Variants in CDK13 observed in about 807,000 individuals in gnomAD.
CDK13 encodes cyclin dependent kinase 13, also known as cyclin-dependent kinase 13.
Under a neutral mutation model 137.6 loss-of-function variants are expected in CDK13, and 40 were observed. The ratio of observed to expected loss-of-function variants is 0.29; its 90% CI spans 0.23 to 0.38. CDK13 has a LOEUF of 0.38. CDK13 is among the 10% of genes least tolerant of loss of function. The probability of loss-of-function intolerance (pLI) is 1.00; values close to 1 mark genes in which losing one functional copy is unlikely to be tolerated. For missense variants in CDK13, 1,704 were observed against 1,951.8 expected (o/e 0.87, Z 2.39); for synonymous variants, 869 against 760.1 (o/e 1.14, Z -2.36).
chr7:40,011,838 G>A (rs889444865), intron 5 of CDK13, among the ~76,000 whole-genome samples: 2 of 152,174 alleles, frequency 1.3e-5, no homozygotes, highest in Non-Finnish European at 1.5e-5. Context: ...TCATCAGCAT[G>A]AGAAGACAAC....
At chr7:40,093,829 C>T (rs778285464) in intron 13 of CDK13, among the ~76,000 whole-genome samples, 3 of 151,168 alleles carry the variant, frequency 2.0e-5, no homozygotes, top group Non-Finnish European at 2.9e-5. Context: ...TCACTTGAGC[C>T]CAGGAGGTCA....
chr7:39,951,924 T>G, intron 1 of CDK13, 72 bp downstream of exon 1: 1 of 1,304,042 alleles, frequency 7.7e-7, no homozygotes. Flanking sequence ...GGGAAAGTGG[T>G]GCCCGGGTCC....
At chr7:40,067,119 T>TAA in intron 9 of CDK13, 1 of 152,224 alleles carries the variant, frequency 6.6e-6, no homozygotes, top group South Asian at 2.1e-4. Context: ...ACCCTATGTC[T>TAA]TCTCTTTATA....
intron 1 of CDK13, among the ~76,000 whole-genome samples, chr7:39,965,840 T>A (rs1420994831): frequency 6.6e-6 from 1 of 152,206 alleles, no homozygotes; most frequent in Non-Finnish European, 1.5e-5. Context: ...CAGCATTTGC[T>A]TGTCTGTTAA....
intron 1 of CDK13, among the ~76,000 whole-genome samples, chr7:39,961,684 G>T (rs1382401308): frequency 6.7e-6 from 1 of 149,714 alleles, no homozygotes; most frequent in Non-Finnish European, 1.5e-5. Context: ...TGTGCACAAC[G>T]TGCAGGTTAG....
chr7:40,077,607 C>G (rs1391384211), intron 9 of CDK13, among the ~76,000 whole-genome samples: 2 of 152,164 alleles, frequency 1.3e-5, no homozygotes, highest in Non-Finnish European at 2.9e-5. Flanking sequence ...GTAATTCCAG[C>G]ACTTTGGGAG....
chr7:40,097,636 A>C lies in CDK13; in HGVS notation c.*2656A>C, dbSNP rs1787074786. 2.0e-5 allele frequency: 3 copies of C among 152,104 alleles called. No homozygotes were observed. The highest frequency in any genetic ancestry group is 4.4e-5 in the Non-Finnish European group (3 of 67,958). 9.4% of individuals were successfully genotyped at this position (152,104 alleles called of 1,614,324 possible). The stretch of plus-strand genomic sequence containing the variant: ...TCAGACTGCAAGTTAAGAAGACAAA[A>C]ATATAAAAGATTTGACCTGCCAAAA... On this transcript the variant is annotated 3_prime_UTR_variant, in exon 14 of 14. Transcript: ENST00000181839.
intron 1 of CDK13, among the ~76,000 whole-genome samples, chr7:39,969,101 C>T (rs971921737): frequency 6.6e-6 from 1 of 152,058 alleles, no homozygotes; most frequent in Non-Finnish European, 1.5e-5. Flanking sequence ...CCTCTACCTC[C>T]CAGGTTCAAG....
At chr7:40,078,872 T>C in intron 11 of CDK13, 21 bp downstream of exon 11, 1 of 1,081,368 alleles carries the variant, frequency 9.2e-7, no homozygotes, top group Non-Finnish European at 1.2e-6. Context: ...TTTTATCCTA[T>C]TATTATTATA....
intron 1 of CDK13, among the ~76,000 whole-genome samples, chr7:39,967,481 A>G (rs1386238332): frequency 6.6e-6 from 1 of 152,052 alleles, no homozygotes; most frequent in Non-Finnish European, 1.5e-5. Context: ...AAAAAAAAAA[A>G]AATCCGTTCA....
At chr7:40,039,964 T>C (rs1785569445) in intron 5 of CDK13, among the ~76,000 whole-genome samples, 1 of 152,140 alleles carries the variant, frequency 6.6e-6, no homozygotes, top group South Asian at 2.1e-4. Context: ...TTTTTAAAAG[T>C]ACTTTTATAG....
In CDK13 at chr7:40,003,756, A is replaced by G. The variant is rs537224832; in HGVS notation, c.2353+1725A>G. ...CCTCCCTGCCTACTTCTCCAATCCC[A>G]TCTATGCCATTTTGATTGCCCACCA... On this transcript the variant is annotated intron_variant, in intron 5 of 13. Coordinates refer to ENST00000181839, the MANE Select transcript of CDK13 (RefSeq NM_003718.5). Among the ~76,000 whole-genome samples the G allele has an allele frequency of 2.6e-5, 4 of 152,088 alleles. No homozygotes were observed. The South Asian group carries it at 6.2e-4, about 24-fold the overall frequency.
chr7:40,012,221 G>A (rs754074622), intron 5 of CDK13, among the ~76,000 whole-genome samples: 1 of 152,162 alleles, frequency 6.6e-6, no homozygotes, highest in Non-Finnish European at 1.5e-5. Context: ...AGAGTACAAT[G>A]GTGCAGTTGC....
chr7:40,047,934 AC>A (rs1554334022), intron 7 of CDK13, 57 bp downstream of exon 7: 5 of 1,038,434 alleles, frequency 4.8e-6, no homozygotes, highest in Admixed American at 1.8e-5. Flanking sequence ...TAGAAGCTAT[AC>A]TAAGAATACC....
At chr7:39,965,971 A>T (rs1332496094) in intron 1 of CDK13, among the ~76,000 whole-genome samples, 2 of 152,296 alleles carry the variant, frequency 1.3e-5, no homozygotes, top group South Asian at 4.1e-4. Flanking sequence ...CTTGTAGAGT[A>T]TCTGCTGAGA....
intron 1 of CDK13, among the ~76,000 whole-genome samples, chr7:39,961,410 T>A (rs1787615722): frequency 6.6e-6 from 1 of 152,182 alleles, no homozygotes; most frequent in Non-Finnish European, 1.5e-5. Flanking sequence ...TGCATTATTG[T>A]AGTCACCATT....
intron 5 of CDK13, among the ~76,000 whole-genome samples, chr7:40,025,059 GGTATCTCAAT>G (rs1785216227): frequency 6.6e-6 from 1 of 152,028 alleles, no homozygotes; most frequent in Admixed American, 6.5e-5. Flanking sequence ...CTATTCACTA[GGTATCTCAAT>G]GTTCATATTT....
Position 40,096,914 on chromosome 7 carries a change from T to C in CDK13, c.*1934T>C, listed in dbSNP as rs1319812998. ...CTACATTGCAGGAAATGAAGAAATA[T>C]TTTGAAATTAGCAAAATAGCAACAG... On this transcript the variant is annotated 3_prime_UTR_variant, in exon 14 of 14. Coordinates refer to ENST00000181839, the MANE Select transcript of CDK13 (RefSeq NM_003718.5). 2 of 152,132 alleles carry C rather than the reference T, an allele frequency of 1.3e-5. No homozygotes were observed. The highest frequency in any genetic ancestry group is 2.4e-5 in the African/African-American group (1 of 41,450). 9.4% of individuals were successfully genotyped at this position (152,132 alleles called of 1,614,324 possible).
chr7:39,953,639 A>G (rs542011530), intron 1 of CDK13, among the ~76,000 whole-genome samples: 268 of 152,328 alleles, frequency 1.8e-3, no homozygotes, highest in African/African-American at 5.9e-3. Context: ...ATTGGGATGT[A>G]GCAGGAAAGA....
Sources: allele counts gnomAD v4.1 joint callset (sites outside exome capture counted in the v4.1 genomes callset), GRCh38; gene constraint gnomAD v4.1.1; transcripts MANE v1.5; gene names NCBI Gene and HGNC (gene_info 2026-07-23, HGNC 2026-07-21).